Variants in RAB3GAP2 observed in about 807,000 individuals in gnomAD.
The protein encoded by RAB3GAP2 is RAB3 GTPase activating non-catalytic protein subunit 2, also known as rab3 GTPase-activating protein non-catalytic subunit.
Under a neutral mutation model 185.3 loss-of-function variants are expected in RAB3GAP2, and 87 were observed. That is an observed-to-expected ratio of 0.47 (90% CI 0.39 to 0.56). RAB3GAP2 has a LOEUF of 0.56. RAB3GAP2 is among the 20% of genes least tolerant of loss of function. The probability of loss-of-function intolerance (pLI) is 0.00; values close to 1 mark genes in which losing one functional copy is unlikely to be tolerated. For synonymous variants in RAB3GAP2, 554 were observed against 576.1 expected (o/e 0.96, Z 0.55); for missense variants, 1,492 against 1,638.2 (o/e 0.91, Z 1.54).
At chr1:220,267,511 C>A in intron 1 of RAB3GAP2, 1 of 1,409,042 alleles carries the variant, frequency 7.1e-7, no homozygotes, top group Non-Finnish European at 1.0e-6. Context: ...CGGAGGGCGA[C>A]CAATTTCAAG....
chr1:220,162,939 A>C, intron 27 of RAB3GAP2, among the ~76,000 whole-genome samples: 1 of 152,176 alleles, frequency 6.6e-6, no homozygotes, highest in East Asian at 1.9e-4. Context: ...ACAAACAAAC[A>C]AACAAACCAG....
rs188522997 is a variant in RAB3GAP2, at chr1:220,193,252, G to A, written c.1258C>T (p.Arg420Cys). Residue 420 changes from arginine to cysteine, a missense_variant, in exon 13 of 35, where the codon CGC (arginine) becomes TGC (cysteine). Arg to Cys is a radical substitution (Grantham distance 180). Transcript: ENST00000358951. ...LLDVARGIAIRMWKGYRDAQI... is the reference protein window; with the variant it reads ...LLDVARGIAICMWKGYRDAQI... ...TTGTAAGAAGTACCTTTCCACATGC[G>A]TATTGCAATTCCTCTAGCTACATCC... The A allele has an allele frequency of 3.9e-4, 625 of 1,613,908 alleles. No individual in the cohort carries two copies. The highest frequency in any genetic ancestry group is 4.8e-4 in the Non-Finnish European group (567 of 1,179,904).
At chr1:220,174,649 CT>C (rs140203926) in intron 21 of RAB3GAP2, among the ~76,000 whole-genome samples, 6,499 of 152,128 alleles carry the variant, frequency 0.043, 306 homozygotes, top group East Asian at 0.22. Context: ...CATTAGAAAC[CT>C]TTTTTAAAAA....
intron 1 of RAB3GAP2, among the ~76,000 whole-genome samples, chr1:220,237,795 G>A (rs918408302): frequency 5.9e-5 from 9 of 151,594 alleles, no homozygotes; most frequent in Non-Finnish European, 1.3e-4. Flanking sequence ...TTCATTCACT[G>A]GTATGCAATC....
chr1:220,250,108 C>T (rs992400694), intron 1 of RAB3GAP2, among the ~76,000 whole-genome samples: 2 of 152,126 alleles, frequency 1.3e-5, no homozygotes, highest in Non-Finnish European at 2.9e-5. Context: ...CCACCGACAG[C>T]TTGCACCATG....
In RAB3GAP2 at chr1:220,178,878, C is replaced by A. The variant is rs11118498; in HGVS notation, c.2310+3379G>T. Among the ~76,000 whole-genome samples the A allele has an allele frequency of 9.0e-3, 1,369 of 152,022 alleles. 22 individuals are homozygous for A. Among genetic ancestry groups the A allele is most frequent in the African/African-American group, 0.031 (1,279 of 41,458 alleles). On this transcript the variant is annotated intron_variant, in intron 21 of 34. Coordinates refer to ENST00000358951, the MANE Select transcript of RAB3GAP2 (RefSeq NM_012414.4). The stretch of plus-strand genomic sequence containing the variant: ...GGGCACAGTGATATGCACCTATAGT[C>A]CTGGCTGACTGGAAGGCTGAGAGGA...
chr1:220,210,570 T>A, intron 6 of RAB3GAP2, 81 bp from the exon 7 acceptor site: 2 of 1,143,774 alleles, frequency 1.7e-6, no homozygotes, highest in East Asian at 4.7e-5. Context: ...AAGAGTACCA[T>A]TTCCCCAACA....
At chr1:220,260,856 T>C (rs1571935027) in intron 1 of RAB3GAP2, among the ~76,000 whole-genome samples, 2 of 152,316 alleles carry the variant, frequency 1.3e-5, no homozygotes, top group South Asian at 4.1e-4. Context: ...TGGTAGCCAC[T>C]AGCAACATAT....
chr1:220,237,087 C>A (rs1390193644), intron 1 of RAB3GAP2, among the ~76,000 whole-genome samples: 1 of 152,118 alleles, frequency 6.6e-6, no homozygotes, highest in Admixed American at 6.5e-5. Flanking sequence ...AATTTGAAAG[C>A]CCTAAGCTCT....
intron 1 of RAB3GAP2, among the ~76,000 whole-genome samples, chr1:220,238,114 C>T (rs543267762): frequency 2.0e-4 from 31 of 152,252 alleles, no homozygotes; most frequent in Non-Finnish European, 4.1e-4. Context: ...AATTATAGCT[C>T]ACTGCAGCCT....
intron 27 of RAB3GAP2, among the ~76,000 whole-genome samples, chr1:220,162,887 T>C (rs933184047): frequency 6.6e-6 from 1 of 152,122 alleles, no homozygotes; most frequent in Admixed American, 6.5e-5. Context: ...AACTAAAGTA[T>C]GTAGTTATAT....
chr1:220,164,477 T>C (rs1234623195), intron 27 of RAB3GAP2, among the ~76,000 whole-genome samples: 1 of 146,718 alleles, frequency 6.8e-6, no homozygotes, highest in East Asian at 2.0e-4. Context: ...TGTTTTGTTT[T>C]TTTTTTTTTT....
At chr1:220,154,721 CTTTTT>C (rs368964533) in intron 31 of RAB3GAP2, among the ~76,000 whole-genome samples, 3 of 133,362 alleles carry the variant, frequency 2.2e-5, no homozygotes, top group Non-Finnish European at 3.2e-5. Context: ...ACCCTGAATC[CTTTTT>C]TTTTTTTTTT....
chr1:220,193,751 T>A (rs1466543838), intron 12 of RAB3GAP2, among the ~76,000 whole-genome samples: 1 of 152,218 alleles, frequency 6.6e-6, no homozygotes, highest in African/African-American at 2.4e-5. Flanking sequence ...TTCTTCTTAA[T>A]CTTTCTCTTT....
chr1:220,263,789 T>C (rs1660182367), intron 1 of RAB3GAP2, among the ~76,000 whole-genome samples: 1 of 152,044 alleles, frequency 6.6e-6, no homozygotes, highest in South Asian at 2.1e-4. Context: ...TCATTTTTCT[T>C]ATGTACGCTA....
chr1:220,181,058 A>G (rs187383886), intron 21 of RAB3GAP2, among the ~76,000 whole-genome samples: 63 of 152,358 alleles, frequency 4.1e-4, no homozygotes, highest in African/African-American at 1.2e-4. Context: ...AGAAAGTATT[A>G]TAAGTAACCT....
chr1:220,267,129 A>T, intron 1 of RAB3GAP2: 1 of 1,349,098 alleles, frequency 7.4e-7, no homozygotes, highest in Non-Finnish European at 1.1e-6. Flanking sequence ...CTGATCCAAG[A>T]AGTAAGTTCT....
intron 26 of RAB3GAP2, among the ~76,000 whole-genome samples, chr1:220,166,398 G>A (rs904677819): frequency 2.0e-5 from 3 of 152,178 alleles, no homozygotes; most frequent in Non-Finnish European, 4.4e-5. Context: ...ATTTACCAGG[G>A]AACTGACTAA....
At chr1:220,239,636 T>G (rs1221408676) in intron 1 of RAB3GAP2, among the ~76,000 whole-genome samples, 1 of 152,194 alleles carries the variant, frequency 6.6e-6, no homozygotes, top group Non-Finnish European at 1.5e-5. Context: ...TTTCTTAGCT[T>G]TAGTTTTGAT....
Sources: allele counts gnomAD v4.1 joint callset (sites outside exome capture counted in the v4.1 genomes callset), GRCh38; gene constraint gnomAD v4.1.1; transcripts MANE v1.5; gene names NCBI Gene and HGNC (gene_info 2026-07-23, HGNC 2026-07-21).